Variants in GRM8 observed in about 807,000 individuals in gnomAD.
GRM8 encodes the protein glutamate metabotropic receptor 8.
Under a neutral mutation model 87.2 loss-of-function variants are expected in GRM8, and 47 were observed. That is an observed-to-expected ratio of 0.54 (90% CI 0.43 to 0.69). GRM8 has a LOEUF of 0.69. Ranked by LOEUF, GRM8 falls within the 30% of genes least tolerant of loss-of-function variation. GRM8 has a pLI of 0.00. For missense variants in GRM8, 1,019 were observed against 1,139.2 expected (o/e 0.89, Z 1.52); for synonymous variants, 396 against 404.5 (o/e 0.98, Z 0.25).
intron 7 of GRM8, among the ~76,000 whole-genome samples, chr7:126,741,296 A>G (rs1160221377): frequency 6.6e-6 from 1 of 152,046 alleles, no homozygotes; most frequent in African/African-American, 2.4e-5. Flanking sequence ...TTTCCAATAC[A>G]CAGAAGTCAC....
intron 3 of GRM8, among the ~76,000 whole-genome samples, chr7:126,965,537 T>C (rs560976081): frequency 5.3e-5 from 8 of 152,264 alleles, no homozygotes; most frequent in Admixed American, 4.6e-4. Context: ...GTTAAAAGTT[T>C]TCATTATTAT....
chr7:126,660,166 T>A (rs1244032181), intron 7 of GRM8, among the ~76,000 whole-genome samples: 1 of 152,194 alleles, frequency 6.6e-6, no homozygotes, highest in Admixed American at 6.5e-5. Context: ...TTAACGAGCA[T>A]TGTTTAAAAG....
chr7:126,530,625 T>C (rs1025689161), intron 9 of GRM8, among the ~76,000 whole-genome samples: 5 of 152,202 alleles, frequency 3.3e-5, no homozygotes, highest in African/African-American at 1.2e-4. Flanking sequence ...ACAATTCAAG[T>C]TGATAACATG....
chr7:126,901,732 T>A (rs1016861731), intron 6 of GRM8, among the ~76,000 whole-genome samples: 2 of 152,188 alleles, frequency 1.3e-5, no homozygotes, highest in African/African-American at 4.8e-5. Context: ...AGTTGTGTAG[T>A]TTTCAGTGTA....
At chr7:126,556,324 C>A (rs1562952489) in intron 8 of GRM8, among the ~76,000 whole-genome samples, 1 of 133,496 alleles carries the variant, frequency 7.5e-6, no homozygotes, top group Non-Finnish European at 1.5e-5. Flanking sequence ...AATGGAGAAG[C>A]AGTTCTCCTC....
intron 7 of GRM8, among the ~76,000 whole-genome samples, chr7:126,723,580 G>A (rs1812664272): frequency 1.3e-5 from 2 of 151,968 alleles, no homozygotes; most frequent in South Asian, 2.1e-4. Flanking sequence ...TTTCACTTTA[G>A]GCAACAGGAC....
At chr7:127,145,892 TG>T (rs1828527978) in intron 2 of GRM8, among the ~76,000 whole-genome samples, 1 of 152,070 alleles carries the variant, frequency 6.6e-6, no homozygotes, top group Non-Finnish European at 1.5e-5. Context: ...CAAGTTTAAT[TG>T]GCATCATTTT....
chr7:126,544,804 G>A (rs945692247), intron 8 of GRM8, among the ~76,000 whole-genome samples: 1 of 152,028 alleles, frequency 6.6e-6, no homozygotes, highest in Admixed American at 6.6e-5. Flanking sequence ...CACCGCACCT[G>A]GCCTTCAAAG....
At chr7:127,058,167 C>T (rs1321155557) in intron 3 of GRM8, 2 of 521,148 alleles carry the variant, frequency 3.8e-6, no homozygotes, top group Admixed American at 4.0e-5. Context: ...CATATTGACA[C>T]AATGTCATGG....
chr7:126,608,568 G>A (rs1218222327), intron 8 of GRM8, among the ~76,000 whole-genome samples: 1 of 152,110 alleles, frequency 6.6e-6, no homozygotes, highest in Non-Finnish European at 1.5e-5. Context: ...GACCTGAAGA[G>A]TGCCTGCGGT....
intron 7 of GRM8, among the ~76,000 whole-genome samples, chr7:126,629,634 C>T (rs1222413405): frequency 3.3e-5 from 5 of 152,216 alleles, no homozygotes; most frequent in Admixed American, 6.6e-5. Flanking sequence ...GAGAGATCTA[C>T]TCATCTCTGA....
chr7:127,123,829 G>T (rs1032901137), intron 2 of GRM8, among the ~76,000 whole-genome samples: 5 of 152,066 alleles, frequency 3.3e-5, no homozygotes, highest in African/African-American at 1.2e-4. Flanking sequence ...ATCAGTTAAA[G>T]ATACCTCTTA....
At chr7:126,537,545 G>C (rs1815943736) in intron 8 of GRM8, among the ~76,000 whole-genome samples, 1 of 152,152 alleles carries the variant, frequency 6.6e-6, no homozygotes, top group Non-Finnish European at 1.5e-5. Flanking sequence ...GGGAGGCCAA[G>C]GCAGGCGGAT....
intron 8 of GRM8, among the ~76,000 whole-genome samples, chr7:126,589,740 A>G (rs888176764): frequency 2.0e-5 from 3 of 152,112 alleles, no homozygotes; most frequent in African/African-American, 7.2e-5. Context: ...CTCCCCTGCC[A>G]CCTCCACTGG....
intron 9 of GRM8, among the ~76,000 whole-genome samples, chr7:126,455,404 A>G (rs1471430449): frequency 6.6e-6 from 1 of 151,516 alleles, no homozygotes; most frequent in Non-Finnish European, 1.5e-5. Flanking sequence ...CAAATCAGAG[A>G]AGCATCCCTT....
chr7:126,802,831 G>T (rs1171618788), intron 6 of GRM8, among the ~76,000 whole-genome samples: 2 of 152,196 alleles, frequency 1.3e-5, no homozygotes, highest in Non-Finnish European at 2.9e-5. Context: ...TCCTTTGGAA[G>T]CACAAAGGTC....
chr7:126,598,107 A>G lies in GRM8; in HGVS notation c.1494+11255T>C, dbSNP rs9690182. On this transcript the variant is annotated intron_variant, in intron 8 of 10. Coordinates refer to ENST00000339582, the MANE Select transcript of GRM8 (RefSeq NM_000845.3). ...CCCTGCCTTTGCTAACCATCATTCT[A>G]TTCACAAAATATCACATGTTCTCAG... 4.6e-5 allele frequency among the ~76,000 whole-genome samples: 7 copies of G among 151,908 alleles called. No homozygotes were observed. In the East Asian group the frequency reaches 1.4e-3, roughly 29 times the overall value.
intron 2 of GRM8, among the ~76,000 whole-genome samples, chr7:127,124,278 AAACTGCTCT>A (rs1230910679): frequency 1.3e-4 from 20 of 152,146 alleles, no homozygotes; most frequent in African/African-American, 4.8e-4. Flanking sequence ...GGCTGTATTC[AAACTGCTCT>A]AAGCAAGATC....
At chr7:126,491,630 C>A (rs184463338) in intron 9 of GRM8, among the ~76,000 whole-genome samples, 1 of 152,136 alleles carries the variant, frequency 6.6e-6, no homozygotes, top group East Asian at 1.9e-4. Flanking sequence ...TGTGAATTCT[C>A]CTGATTCTTT....
Sources: gnomAD v4.1 joint callset for allele counts (sites outside exome capture counted in the v4.1 genomes callset) on GRCh38, gnomAD v4.1.1 for gene constraint, MANE v1.5 for transcripts, NCBI Gene and HGNC (gene_info 2026-07-23, HGNC 2026-07-21) for gene names.